TNS1: variants seen among roughly 807,000 people sequenced by gnomAD.
TNS1 encodes tensin-1.
In TNS1, 62 loss-of-function variants were observed where a neutral mutation model predicts 168.6. The ratio of observed to expected loss-of-function variants is 0.37; its 90% confidence interval spans 0.30 to 0.45. TNS1 has a LOEUF of 0.45. TNS1 is among the 20% of genes least tolerant of loss of function. TNS1 has a pLI of 1.00. For missense variants in TNS1, 2,240 were observed against 2,339.4 expected (o/e 0.96, Z 0.88); for synonymous variants, 934 against 933.2 (o/e 1.00, Z -0.02).
intron 1 of TNS1, among the ~76,000 whole-genome samples, chr2:218,008,761 T>C (rs1019933345): frequency 3.3e-5 from 5 of 152,254 alleles, no homozygotes; most frequent in African/African-American, 1.2e-4. Context: ...GAAGAATCCT[T>C]CCCATCCATT....
chr2:217,961,638 C>T (rs1320846226), intron 3 of TNS1, among the ~76,000 whole-genome samples: 2 of 152,262 alleles, frequency 1.3e-5, no homozygotes, highest in Middle Eastern at 3.4e-3. Flanking sequence ...CAGCTGAAAA[C>T]GAAAGATGCC....
At chr2:217,932,166 G>A (rs913248061) in intron 3 of TNS1, among the ~76,000 whole-genome samples, 7 of 152,122 alleles carry the variant, frequency 4.6e-5, no homozygotes, top group South Asian at 2.1e-4. Context: ...CCATGAGATC[G>A]TAACTCCTGT....
chr2:217,848,093 C>A lies in TNS1; in HGVS notation c.2424G>T (p.Gln808His). 6.4e-7 allele frequency: 1 copy of A among 1,560,504 alleles called. No individual in the cohort carries two copies. Residue 808 changes from glutamine to histidine, a missense_variant, in exon 19 of 33, where the codon CAG (glutamine) becomes CAT (histidine). This residue lies in a region of TNS1 where 2,131 missense variants were observed against 2,171.2 expected (regional missense o/e 0.98). Transcript: ENST00000682258. The part of the protein sequence containing the change: ...ESLVASRPSP[Q>H]PLAETPIPSL... ...TGGGGATGGGGGTCTCTGCCAATGG[C>A]TGAGGGCTGGGCCTGCTGGCTACAA... is the stretch of plus-strand genomic sequence containing the variant.
intron 1 of TNS1, among the ~76,000 whole-genome samples, chr2:218,001,245 AG>A (rs1958557664): frequency 6.6e-6 from 1 of 152,122 alleles, no homozygotes; most frequent in Non-Finnish European, 1.5e-5. Flanking sequence ...CCTTACTCTC[AG>A]GGAGGGTATA....
Position 217,848,224 on chromosome 2 carries a change from G to A in TNS1, c.2293C>T (p.Arg765Trp), listed in dbSNP as rs907813420. The change falls in exon 19 of 33, where the codon CGG (arginine) becomes TGG (tryptophan). Residue 765 changes from arginine (R) to tryptophan (W), a missense_variant. Around this residue, in one of 2 missense-constraint regions of TNS1, gnomAD observed 2,131 missense variants for 2,171.2 expected, o/e 0.98. Coordinates refer to ENST00000682258, the MANE Select transcript of TNS1 (RefSeq NM_001387777.1). ...PPAPVRGGSS[R>W]EAVQRGLNSW... The stretch of plus-strand genomic sequence containing the variant: ...TTCAGTCCCCTTTGCACAGCCTCCC[G>A]GCTGCTTCCCCCTCGGACCGGAGCT... 16 of 1,582,592 alleles carry A rather than the reference G, an allele frequency of 1.0e-5. No individual in the cohort carries two copies. Among genetic ancestry groups the A allele is most frequent in the East Asian group, 4.5e-5 (2 of 44,680 alleles).
At chr2:217,960,447 C>T (rs181329389) in intron 3 of TNS1, among the ~76,000 whole-genome samples, 1 of 152,216 alleles carries the variant, frequency 6.6e-6, no homozygotes, top group Non-Finnish European at 1.5e-5. Context: ...GGAACATGGC[C>T]AGGTCTAGGA....
chr2:217,892,476 G>GA (rs1320701230), intron 11 of TNS1, among the ~76,000 whole-genome samples: 8 of 152,208 alleles, frequency 5.3e-5, no homozygotes. Flanking sequence ...ATTGGAAAGG[G>GA]AGTCAGTGAC....
intron 3 of TNS1, among the ~76,000 whole-genome samples, chr2:217,957,353 A>G (rs1957391100): frequency 6.6e-6 from 1 of 152,056 alleles, no homozygotes; most frequent in Non-Finnish European, 1.5e-5. Context: ...CTCTGCATAC[A>G]CACCCAGCCC....
At chr2:217,829,533 C>A (rs929666040) in intron 22 of TNS1, among the ~76,000 whole-genome samples, 1 of 152,212 alleles carries the variant, frequency 6.6e-6, no homozygotes, top group Non-Finnish European at 1.5e-5. Context: ...ACCAGGCAGG[C>A]TGGTGCAAAT....
chr2:218,030,595 G>A (rs558671493), intron 1 of TNS1, among the ~76,000 whole-genome samples: 3 of 152,246 alleles, frequency 2.0e-5, no homozygotes, highest in Non-Finnish European at 4.4e-5. Context: ...AAGCGCATCT[G>A]GCTTACAGGC....
intron 4 of TNS1, among the ~76,000 whole-genome samples, chr2:217,911,741 C>T (rs948334053): frequency 2.0e-5 from 3 of 152,182 alleles, no homozygotes; most frequent in Admixed American, 1.3e-4. Flanking sequence ...GCTGTTTGAA[C>T]CTTGCTCCTC....
chr2:217,849,261 C>T (rs1206506888), intron 18 of TNS1, among the ~76,000 whole-genome samples, 174 bp from the exon 19 acceptor site: 1 of 152,202 alleles, frequency 6.6e-6, no homozygotes, highest in East Asian at 1.9e-4. Context: ...GACCTCTACC[C>T]CAGGCTTTGG....
At chr2:217,885,864 G>C (rs1380571189) in intron 14 of TNS1, 45 bp from the exon 15 acceptor site, 1 of 1,600,884 alleles carries the variant, frequency 6.2e-7, no homozygotes, top group Admixed American at 1.7e-5. Context: ...TGCTGGAGGG[G>C]AGATGAGGGA....
intron 22 of TNS1, 140 bp from the exon 23 acceptor site, chr2:217,822,078 C>T: frequency 1.1e-6 from 1 of 923,346 alleles, no homozygotes; most frequent in Non-Finnish European, 1.6e-6. Context: ...ACAGGCAGGG[C>T]TCCTGCCTGC....
Position 217,813,797 on chromosome 2 carries a change from GT to G in TNS1, c.4748del (p.Asp1583AlafsTer23). The G allele has an allele frequency of 6.2e-7, 1 of 1,612,844 alleles. No individual in the cohort carries two copies. The highest frequency in any genetic ancestry group is 8.5e-7 in the Non-Finnish European group (1 of 1,179,358). On this transcript the variant is annotated frameshift_variant, in exon 26 of 33. Transcript: ENST00000682258. LOFTEE classifies it high-confidence loss of function. The surrounding 1 kb of genome is among the most constrained non-coding windows in gnomAD (Gnocchi z 4.0). The part of the protein sequence containing the change: ...SREQAIALLK[D>X]QEPGAFIIRD... Reference sequence around the variant, plus strand: ...GGATGATGAAGGCCCCCGGCTCCTGGTCCTTGAGGAGCGCGATGGCTGCATG... The same window carrying G: ...GGATGATGAAGGCCCCCGGCTCCTGGCCTTGAGGAGCGCGATGGCTGCATG...
chr2:217,851,568 C>A lies in TNS1; in HGVS notation c.1430-2481G>T, dbSNP rs546113291. On this transcript the variant is annotated intron_variant, in intron 18 of 32. Transcript: ENST00000682258. Reference sequence around the variant, plus strand: ...CAAGGCTTTGGGACCTCAGCCAACACCAGCCCCAGACAACACAGGACCAAA... The same window carrying A: ...CAAGGCTTTGGGACCTCAGCCAACAACAGCCCCAGACAACACAGGACCAAA... Among the ~76,000 whole-genome samples, 6 of 152,252 alleles carry A rather than the reference C, an allele frequency of 3.9e-5. No homozygotes were observed. The South Asian group carries it at 1.2e-3, about 32-fold the overall frequency.
intron 7 of TNS1, among the ~76,000 whole-genome samples, chr2:217,898,955 G>A (rs1445658280): frequency 6.6e-6 from 1 of 152,152 alleles, no homozygotes; most frequent in African/African-American, 2.4e-5. Context: ...CTAGTGTCTC[G>A]CTTCCCCCTC....
chr2:217,863,698 T>C (rs1949004317), intron 18 of TNS1, among the ~76,000 whole-genome samples: 1 of 152,152 alleles, frequency 6.6e-6, no homozygotes, highest in Non-Finnish European at 1.5e-5. Context: ...TGGGAGGAGA[T>C]AAGCTTTGAA....
intron 22 of TNS1, among the ~76,000 whole-genome samples, 184 bp from the exon 23 acceptor site, chr2:217,822,122 C>T (rs1942962317): frequency 6.6e-6 from 1 of 152,148 alleles, no homozygotes; most frequent in Admixed American, 6.5e-5. Flanking sequence ...GACCTTTCAC[C>T]AGGGCCTTGC....
Sources: gnomAD v4.1 joint callset for allele counts (sites outside exome capture counted in the v4.1 genomes callset) on GRCh38, gnomAD v4.1.1 for gene constraint, gnomAD v4.1.1 regional missense constraint, Gnocchi (gnomAD v3.1) non-coding constraint, MANE v1.5 for transcripts, NCBI Gene and HGNC (gene_info 2026-07-23, HGNC 2026-07-21) for gene names.